The following IL15 variants were observed in gnomAD, a reference collection of about 807,000 sequenced individuals.
IL15 encodes the protein interleukin-15.
In IL15, 11 loss-of-function variants were observed where a neutral mutation model predicts 19.6. That is an observed-to-expected ratio of 0.56 (90% CI 0.35 to 0.93). The LOEUF is 0.93. Ranked by LOEUF, IL15 falls within the 40% of genes least tolerant of loss-of-function variation. The probability of loss-of-function intolerance (pLI) is 0.01; values close to 1 mark genes in which losing one functional copy is unlikely to be tolerated. For missense variants in IL15, 197 were observed against 186.5 expected (o/e 1.06, Z -0.33); for synonymous variants, 58 against 59.6 (o/e 0.97, Z 0.12).
chr4:141,676,751 T>C (rs1728363062), intron 2 of IL15, among the ~76,000 whole-genome samples: 1 of 150,252 alleles, frequency 6.7e-6, no homozygotes, highest in Admixed American at 6.6e-5. Context: ...AAGGAAGTTA[T>C]GGATGAGATT....
intron 2 of IL15, among the ~76,000 whole-genome samples, chr4:141,706,923 C>T (rs1729534917): frequency 1.3e-5 from 2 of 152,112 alleles, no homozygotes; most frequent in South Asian, 2.1e-4. Context: ...GACTTTTCAG[C>T]TTCCTGAATC....
At position 141,720,941 on chromosome 4, in the gene IL15, C is replaced by T. The variant is rs1579050991; in HGVS notation, c.110+375C>T. ...TCCCTGACACTGACTCCTCCTATCCCTTGATCTTTATCCTAGTTCAGTTTA... is the reference window on the plus strand; with the variant it reads ...TCCCTGACACTGACTCCTCCTATCCTTTGATCTTTATCCTAGTTCAGTTTA... On this transcript the variant is annotated intron_variant, in intron 4 of 7. Coordinates refer to ENST00000320650, the MANE Select transcript of IL15 (RefSeq NM_000585.5). The T allele has an allele frequency of 1.6e-5, 9 of 564,516 alleles. No homozygotes were observed. The East Asian group carries it at 2.6e-4, about 17-fold the overall frequency. The allele number at this position is 564,516 out of a possible 1,614,324, so 35.0% of individuals were successfully genotyped here.
chr4:141,647,772 G>A (rs114709736), intron 1 of IL15, among the ~76,000 whole-genome samples: 3,724 of 152,108 alleles, frequency 0.024, 55 homozygotes, highest in African/African-American at 0.04. Flanking sequence ...TCTCTGTGAC[G>A]TTTTCCTGGC....
At chr4:141,679,094 A>G (rs907953145) in intron 2 of IL15, among the ~76,000 whole-genome samples, 27 of 152,144 alleles carry the variant, frequency 1.8e-4, no homozygotes, top group African/African-American at 6.5e-4. Flanking sequence ...CCAGATTACA[A>G]CTAGCTCAGT....
rs201461849 is a variant in IL15 at position 141,649,689 on chromosome 4, T to TAACAC, written c.-221-6492_-221-6488dup. On this transcript the variant is annotated intron_variant, in intron 1 of 7. Transcript: ENST00000320650. Reference sequence around the variant, plus strand: ...ATAGTAAATAAAGCATTAGCTAACATAACACAACAGTAAAACAAACCAGCA... The same window carrying TAACAC: ...ATAGTAAATAAAGCATTAGCTAACATAACACAACACAACAGTAAAACAAACCAGCA... 1.8e-3 allele frequency among the ~76,000 whole-genome samples: 280 copies of TAACAC among 152,160 alleles called. 1 individual carries two copies. The highest frequency in any genetic ancestry group is 0.016 in the East Asian group (81 of 5,172).
intron 3 of IL15, among the ~76,000 whole-genome samples, chr4:141,720,257 G>A (rs1050106646): frequency 2.0e-5 from 3 of 152,072 alleles, no homozygotes; most frequent in Non-Finnish European, 4.4e-5. Flanking sequence ...AGAAATATCT[G>A]TTAAGGAACT....
intron 2 of IL15, among the ~76,000 whole-genome samples, chr4:141,699,858 TGTTA>T (rs1482986271): frequency 6.6e-6 from 1 of 152,190 alleles, no homozygotes; most frequent in Non-Finnish European, 1.5e-5. Flanking sequence ...CTATTCATCA[TGTTA>T]GTTGTTTCCT....
chr4:141,700,755 C>T (rs375428655), intron 2 of IL15, among the ~76,000 whole-genome samples: 9 of 152,276 alleles, frequency 5.9e-5, no homozygotes, highest in East Asian at 1.9e-4. Flanking sequence ...ATCCAGAGCA[C>T]GATTTATTCT....
chr4:141,698,333 A>G (rs1308128634), intron 2 of IL15, among the ~76,000 whole-genome samples: 3 of 152,054 alleles, frequency 2.0e-5, no homozygotes, highest in African/African-American at 7.2e-5. Context: ...TTTTGGTATT[A>G]GGGTGATACT....
In IL15 at chr4:141,642,993, G is replaced by T. The variant is rs1039682058; in HGVS notation, c.-222+6245G>T. 2.0e-5 allele frequency among the ~76,000 whole-genome samples: 3 copies of T among 152,236 alleles called. No homozygotes were observed. The South Asian group carries it at 6.2e-4, about 32-fold the overall frequency. ...AGCTAAGCAAACAACTGTAAAAGAG[G>T]TAGGAAACATAAGTAATATAGCAAA... On this transcript the variant is annotated intron_variant, in intron 1 of 7. Coordinates refer to ENST00000320650, the MANE Select transcript of IL15 (RefSeq NM_000585.5).
intron 2 of IL15, among the ~76,000 whole-genome samples, chr4:141,694,049 A>T (rs1437703179): frequency 6.6e-6 from 1 of 152,222 alleles, no homozygotes; most frequent in Non-Finnish European, 1.5e-5. Flanking sequence ...GAGAAAGTTT[A>T]AAAAGGCAAG....
At chr4:141,678,749 G>A (rs181573433) in intron 2 of IL15, among the ~76,000 whole-genome samples, 5 of 151,828 alleles carry the variant, frequency 3.3e-5, no homozygotes, top group Non-Finnish European at 5.9e-5. Flanking sequence ...CTACAGGCAC[G>A]TGCCACCACA....
intron 2 of IL15, chr4:141,688,674 A>G (rs1358636469): frequency 2.0e-5 from 3 of 152,140 alleles, no homozygotes; most frequent in Non-Finnish European, 4.4e-5. Context: ...TGCATTATAT[A>G]TCTCTAGTTC....
rs1729589895 is a variant in IL15, at chr4:141,708,183, A to C, written c.-99-11183A>C. On this transcript the variant is annotated intron_variant, in intron 2 of 7. Transcript: ENST00000320650. ...GGTAACATGGCTAGTGGCTGTTTGG[A>C]AGCTTCCCTGCTGTGCATATCTGCC... is the stretch of plus-strand genomic sequence containing the variant. Among the ~76,000 whole-genome samples, 4 of 152,064 alleles carry C rather than the reference A, an allele frequency of 2.6e-5. No homozygotes were observed. In the South Asian group the frequency reaches 6.2e-4, roughly 24 times the overall value.
intron 2 of IL15, among the ~76,000 whole-genome samples, chr4:141,666,177 T>G (rs1485160942): frequency 2.0e-5 from 3 of 151,960 alleles, no homozygotes; most frequent in African/African-American, 4.8e-5. Context: ...CTCGGCTCAC[T>G]GCAAGCTCCG....
chr4:141,665,910 TGTCTTTTGTTAAAGTATTTA>T (rs991605143), intron 2 of IL15, among the ~76,000 whole-genome samples: 5 of 152,134 alleles, frequency 3.3e-5, no homozygotes, highest in African/African-American at 1.2e-4. Context: ...AATAAGTATA[TGTCTTTTGTTAAAGTATTTA>T]GTCTTTTGTT....
At chr4:141,651,196 A>C (rs1727392856) in intron 1 of IL15, among the ~76,000 whole-genome samples, 1 of 151,894 alleles carries the variant, frequency 6.6e-6, no homozygotes, top group Non-Finnish European at 1.5e-5. Context: ...ATCTATATAT[A>C]TACATATATA....
At chr4:141,654,749 C>T (rs184272941) in intron 1 of IL15, among the ~76,000 whole-genome samples, 2 of 152,252 alleles carry the variant, frequency 1.3e-5, no homozygotes, top group East Asian at 1.9e-4. Flanking sequence ...TGTTACTTAA[C>T]TTGGGGCAGA....
intron 2 of IL15, among the ~76,000 whole-genome samples, chr4:141,678,380 A>G (rs1323412721): frequency 6.6e-6 from 1 of 152,022 alleles, no homozygotes; most frequent in Non-Finnish European, 1.5e-5. Flanking sequence ...ATTCGTAGTC[A>G]TATTTTTTTT....
Sources: gnomAD v4.1 joint callset for allele counts (sites outside exome capture counted in the v4.1 genomes callset) on GRCh38, gnomAD v4.1.1 for gene constraint, MANE v1.5 for transcripts, NCBI Gene and HGNC (gene_info 2026-07-23, HGNC 2026-07-21) for gene names.